Variants in CBFB observed in about 807,000 individuals in gnomAD.
CBFB encodes the protein CBF-beta.
A neutral mutation model predicts 30.4 loss-of-function variants in CBFB; 9 were observed. That is an observed-to-expected ratio of 0.30 (90% CI 0.18 to 0.52). The LOEUF (loss-of-function observed/expected upper bound fraction) is 0.52. Among genes scored for constraint, CBFB ranks in the 20% least tolerant of loss-of-function variants. The pLI, the probability that CBFB is intolerant of heterozygous loss-of-function variation, is 0.97. For missense variants in CBFB, 170 were observed against 244.0 expected, an observed-to-expected ratio of 0.70 and a Z score of 2.02; for synonymous variants, 94 against 84.0, an observed-to-expected ratio of 1.12 and a Z score of -0.65.
intron 3 of CBFB, among the ~76,000 whole-genome samples, chr16:67,057,881 C>T (rs1184537677): frequency 1.3e-5 from 2 of 152,130 alleles, no homozygotes; most frequent in East Asian, 3.8e-4. Flanking sequence ...ACTGCCACAG[C>T]ACTCCTATAT....
At chr16:67,033,298 A>AT (rs1415597819) in intron 2 of CBFB, among the ~76,000 whole-genome samples, 2 of 152,256 alleles carry the variant, frequency 1.3e-5, no homozygotes. Context: ...CCCAATCAGC[A>AT]TTAAATAAAA....
At position 67,091,119 on chromosome 16, in the gene CBFB, G is replaced by A. The variant is rs192936874; in HGVS notation, c.496-7591G>A. On this transcript the variant is annotated intron_variant, in intron 5 of 5. Coordinates refer to ENST00000412916, the MANE Select transcript of CBFB (RefSeq NM_022845.3). Reference sequence around the variant, plus strand: ...AACTGGGAGTATGAACTCAGACTGAGAATGAGAATCGGAAGAAGATTAATG... The same window carrying A: ...AACTGGGAGTATGAACTCAGACTGAAAATGAGAATCGGAAGAAGATTAATG... Among the ~76,000 whole-genome samples the A allele has an allele frequency of 4.5e-4, 68 of 152,332 alleles. 1 individual carries two copies. Among genetic ancestry groups the A allele is most frequent in the Non-Finnish European group, 8.2e-4 (56 of 68,018 alleles).
chr16:67,096,384 T>C (rs1488673481), intron 5 of CBFB, among the ~76,000 whole-genome samples: 2 of 151,900 alleles, frequency 1.3e-5, no homozygotes, highest in Non-Finnish European at 2.9e-5. Context: ...CAAACAGATA[T>C]TTGTGCTTGG....
intron 3 of CBFB, among the ~76,000 whole-genome samples, chr16:67,053,178 A>T (rs11862512): frequency 0.022 from 3,339 of 151,474 alleles, 112 homozygotes; most frequent in African/African-American, 0.073. Flanking sequence ...TTTAGTTTTT[A>T]AAAAAAATGA....
chr16:67,082,150 AC>A, intron 4 of CBFB, 62 bp from the exon 5 acceptor site: 1 of 1,349,880 alleles, frequency 7.4e-7, no homozygotes, highest in South Asian at 1.6e-5. Context: ...AAAAAACAAA[AC>A]CCAAATATTG....
intron 3 of CBFB, among the ~76,000 whole-genome samples, chr16:67,044,446 A>G (rs984379765): frequency 2.0e-5 from 3 of 152,208 alleles, no homozygotes; most frequent in African/African-American, 7.2e-5. Context: ...AGTCAAATAC[A>G]TTAATGTCAG....
intron 2 of CBFB, among the ~76,000 whole-genome samples, chr16:67,034,102 A>T (rs535982289): frequency 5.2e-4 from 79 of 152,202 alleles, no homozygotes; most frequent in Middle Eastern, 6.8e-3. Flanking sequence ...TGCTGGGATT[A>T]CAGGCTTGAG....
chr16:67,098,122 G>T (rs981214983), intron 5 of CBFB, among the ~76,000 whole-genome samples: 2 of 133,062 alleles, frequency 1.5e-5, no homozygotes, highest in Non-Finnish European at 3.0e-5. Flanking sequence ...TTTTTTGTTT[G>T]TTTGTTTGTT....
At chr16:67,030,398 T>G (rs909389991) in intron 2 of CBFB, among the ~76,000 whole-genome samples, 1 of 152,144 alleles carries the variant, frequency 6.6e-6, no homozygotes, top group African/African-American at 2.4e-5. Flanking sequence ...GTAGGGCTGC[T>G]GTTCCTAAAA....
rs1961295498 is a variant in CBFB at position 67,073,538 on chromosome 16, G to A, written c.399+6740G>A. Among the ~76,000 whole-genome samples the A allele has an allele frequency of 2.0e-5, 3 of 152,218 alleles. No individual in the cohort carries two copies. In the South Asian group the frequency reaches 6.2e-4, roughly 32 times the overall value. ...AGACAGGTGGATCACTTGAGGTCAG[G>A]AGTTCGAGACCAGCCTGGCCAACAT... On this transcript the variant is annotated intron_variant, in intron 4 of 5. Coordinates refer to ENST00000412916, the MANE Select transcript of CBFB (RefSeq NM_022845.3).
intron 3 of CBFB, among the ~76,000 whole-genome samples, chr16:67,048,680 A>G (rs1369384351): frequency 6.6e-6 from 1 of 151,856 alleles, no homozygotes. Context: ...CCTCCCGAGT[A>G]GCTGGGACTA....
At chr16:67,075,328 T>C (rs2145762085) in intron 4 of CBFB, among the ~76,000 whole-genome samples, 1 of 151,700 alleles carries the variant, frequency 6.6e-6, no homozygotes, top group South Asian at 2.1e-4. Context: ...AACAGGCAGT[T>C]CACAAACAGG....
intron 2 of CBFB, chr16:67,030,038 G>T (rs1966307747): frequency 4.4e-6 from 2 of 451,210 alleles, no homozygotes; most frequent in Admixed American, 4.6e-5. Flanking sequence ...TCGGCCAACG[G>T]AGCACCGCGA....
chr16:67,030,072 C>G (rs1966308667), intron 2 of CBFB: 1 of 427,260 alleles, frequency 2.3e-6, no homozygotes. Context: ...CCGAGCCAGA[C>G]TAAACAAGCG....
chr16:67,036,419 A>AT lies in CBFB; in HGVS notation c.166-216dup. 1.0e-5 allele frequency: 5 copies of AT among 485,674 alleles called. No individual in the cohort carries two copies. The East Asian group carries it at 1.5e-4, about 15-fold the overall frequency. The allele number at this position is 485,674 out of a possible 1,614,324, so 30.1% of individuals were successfully genotyped here. A position where few individuals can be genotyped will look rare whatever the true frequency, so the allele number is the denominator to read the frequency against. On this transcript the variant is annotated intron_variant, in intron 2 of 5. Transcript: ENST00000412916. ...AAAGAAAGTATTGATTCCATGTCTG[A>AT]TTTTATACTTAAGCAGCCAATGGCA...
chr16:67,034,983 C>T (rs1966416585), intron 2 of CBFB, among the ~76,000 whole-genome samples: 2 of 151,752 alleles, frequency 1.3e-5, no homozygotes, highest in South Asian at 4.1e-4. Flanking sequence ...TCAGGTCGTA[C>T]AGCCTGGGCA....
intron 3 of CBFB, among the ~76,000 whole-genome samples, chr16:67,058,451 T>C (rs527402889): frequency 6.6e-6 from 1 of 152,292 alleles, no homozygotes; most frequent in Admixed American, 6.5e-5. Context: ...AACAGTTCTT[T>C]TTTTATATAT....
intron 1 of CBFB, 42 bp from the exon 2 acceptor site, chr16:67,029,685 C>G (rs1397851896): frequency 1.3e-6 from 2 of 1,527,650 alleles, no homozygotes; most frequent in Non-Finnish European, 1.8e-6. Flanking sequence ...GCGGGCGGCG[C>G]CGCGGATTTG....
At chr16:67,029,858 G>A in intron 2 of CBFB, 45 bp downstream of exon 2, 1 of 1,431,856 alleles carries the variant, frequency 7.0e-7, no homozygotes, top group East Asian at 2.7e-5. Context: ...TTGTTGCGCG[G>A]GGCCGCGGCG....
Sources: allele counts gnomAD v4.1 joint callset (sites outside exome capture counted in the v4.1 genomes callset), GRCh38; gene constraint gnomAD v4.1.1; transcripts MANE v1.5; gene names NCBI Gene and HGNC (gene_info 2026-07-23, HGNC 2026-07-21).